STK32B: variants seen among roughly 807,000 people sequenced by gnomAD.
STK32B encodes serine/threonine-protein kinase 32B.
A neutral mutation model predicts 52.6 loss-of-function variants in STK32B; 43 were observed. That is an observed-to-expected ratio of 0.82 (90% confidence interval 0.64 to 1.05). STK32B has a LOEUF of 1.05. Among genes scored for constraint, STK32B ranks in the 50% least tolerant of loss-of-function variants. The probability of loss-of-function intolerance (pLI) is 0.00; values close to 1 mark genes in which losing one functional copy is unlikely to be tolerated. For synonymous variants in STK32B, 238 were observed against 204.3 expected (o/e 1.17, Z -1.41); for missense variants, 621 against 534.6 (o/e 1.16, Z -1.59).
intron 3 of STK32B, among the ~76,000 whole-genome samples, chr4:5,318,967 T>G (rs750435008): frequency 6.6e-6 from 1 of 151,932 alleles, no homozygotes; most frequent in African/African-American, 2.4e-5. Context: ...GCCCAGCTAA[T>G]TTTTTTGTGT....
intron 4 of STK32B, among the ~76,000 whole-genome samples, chr4:5,357,579 T>C (rs1734271090): frequency 6.6e-6 from 1 of 151,892 alleles, no homozygotes; most frequent in African/African-American, 2.4e-5. Flanking sequence ...AAAAAAAATG[T>C]TCTCTGGGCA....
chr4:5,304,306 A>G (rs911081714), intron 3 of STK32B, among the ~76,000 whole-genome samples: 4 of 152,140 alleles, frequency 2.6e-5, no homozygotes, highest in South Asian at 2.1e-4. Context: ...ATACCCATCT[A>G]TGAGCATGGG....
intron 3 of STK32B, among the ~76,000 whole-genome samples, chr4:5,185,926 G>T (rs1318300777): frequency 6.6e-6 from 1 of 152,114 alleles, no homozygotes; most frequent in East Asian, 1.9e-4. Flanking sequence ...ATACTAACTG[G>T]TTTGTGGGTG....
chr4:5,270,673 G>C (rs1727366488), intron 3 of STK32B, among the ~76,000 whole-genome samples: 1 of 152,104 alleles, frequency 6.6e-6, no homozygotes. Flanking sequence ...ACTACTTTCA[G>C]TAAACATTGT....
intron 6 of STK32B, among the ~76,000 whole-genome samples, chr4:5,444,608 G>A (rs925695342): frequency 1.3e-5 from 2 of 152,124 alleles, no homozygotes; most frequent in Admixed American, 6.5e-5. Context: ...GTTCCTATTC[G>A]GCCATCTTGG....
At chr4:5,047,180 C>T (rs540599477), upstream of STK32B, among the ~76,000 whole-genome samples, 35 of 152,276 alleles carry the variant, frequency 2.3e-4, no homozygotes, top group African/African-American at 7.9e-4. Context: ...GAGATCATGT[C>T]CTTTGCAGGG....
At chr4:5,048,340 GC>G (rs1277432367), upstream of STK32B, among the ~76,000 whole-genome samples, 3 of 122,742 alleles carry the variant, frequency 2.4e-5, no homozygotes, top group African/African-American at 9.5e-5. Context: ...CACTGTTGTT[GC>G]CCAGGCTGGA....
At chr4:5,319,879 A>C (rs372954008) in intron 3 of STK32B, among the ~76,000 whole-genome samples, 2 of 152,164 alleles carry the variant, frequency 1.3e-5, no homozygotes, top group East Asian at 3.8e-4. Context: ...GCTGCGGGTG[A>C]GAAGCTGCCT....
intron 6 of STK32B, among the ~76,000 whole-genome samples, chr4:5,425,254 G>T (rs12502972): frequency 6.6e-6 from 1 of 152,182 alleles, no homozygotes; most frequent in Non-Finnish European, 1.5e-5. Flanking sequence ...AGGTGAAGGT[G>T]CCACCAGCCA....
At chr4:5,321,828 G>T (rs910164335) in intron 3 of STK32B, among the ~76,000 whole-genome samples, 5 of 152,096 alleles carry the variant, frequency 3.3e-5, no homozygotes, top group Non-Finnish European at 5.9e-5. Context: ...TCTGCCTGGA[G>T]GTGCTGGATG....
chr4:5,321,802 C>T (rs1421629006), intron 3 of STK32B, among the ~76,000 whole-genome samples: 1 of 152,124 alleles, frequency 6.6e-6, no homozygotes, highest in African/African-American at 2.4e-5. Context: ...CGCGACTGCT[C>T]CTGCCCCCAA....
intron 3 of STK32B, among the ~76,000 whole-genome samples, chr4:5,294,718 A>G (rs547800021): frequency 6.6e-6 from 1 of 152,286 alleles, no homozygotes; most frequent in East Asian, 1.9e-4. Context: ...TCATCTGCAA[A>G]CAGAGACAAT....
intron 11 of STK32B, among the ~76,000 whole-genome samples, chr4:5,481,156 A>G (rs1217164097): frequency 3.3e-5 from 5 of 152,224 alleles, no homozygotes; most frequent in Admixed American, 3.3e-4. Flanking sequence ...AGGAATCGCG[A>G]CACTGACTTG....
chr4:5,114,432 G>A (rs1714599094), intron 1 of STK32B, among the ~76,000 whole-genome samples: 1 of 151,742 alleles, frequency 6.6e-6, no homozygotes, highest in Admixed American at 6.6e-5. Flanking sequence ...TTAGTGTCAG[G>A]CGTCCTGTTT....
At position 5,314,360 on chromosome 4, in the gene STK32B, T is replaced by G. The variant is rs557583266; in HGVS notation, c.261-16860T>G. 2.3e-4 allele frequency among the ~76,000 whole-genome samples: 35 copies of G among 152,286 alleles called. No individual in the cohort carries two copies. The South Asian group carries it at 7.0e-3, about 31-fold the overall frequency. ...CAGAAGAATGAACCATCACCAAACC[T>G]CATGCCTTACATATTTTTAAAAAAC... On this transcript the variant is annotated intron_variant, in intron 3 of 11. Coordinates refer to ENST00000282908, the MANE Select transcript of STK32B (RefSeq NM_018401.3).
chr4:5,188,305 A>G (rs985456201), intron 3 of STK32B, among the ~76,000 whole-genome samples: 2 of 152,218 alleles, frequency 1.3e-5, no homozygotes, highest in Admixed American at 1.3e-4. Flanking sequence ...TAGCATTCGC[A>G]TGTAATACAT....
chr4:5,489,972 G>A (rs554764725), intron 11 of STK32B, among the ~76,000 whole-genome samples: 1 of 152,020 alleles, frequency 6.6e-6, no homozygotes, highest in East Asian at 1.9e-4. Flanking sequence ...TGAAGATCTT[G>A]TAGTTTTTAT....
chr4:5,046,245 G>C, the STK32B span, among the ~76,000 whole-genome samples: 1 of 152,268 alleles, frequency 6.6e-6, no homozygotes, highest in Admixed American at 6.5e-5. Context: ...CGACAAACGT[G>C]ACAAAAACAA....
Position 5,399,185 on chromosome 4 carries a change from G to C in STK32B, c.472+941G>C, listed in dbSNP as rs1157168693. ...CATTGCTTCAGGGGCCCGTCTCTCA[G>C]GGCCTAACATGGGGTTGGCTGGAGG... On this transcript the variant is annotated intron_variant, in intron 5 of 11. Coordinates refer to ENST00000282908, the MANE Select transcript of STK32B (RefSeq NM_018401.3). This position sits in a 1 kb window ranked among gnomAD's most constrained non-coding sequence, Gnocchi z 5.4. Among the ~76,000 whole-genome samples the C allele has an allele frequency of 1.3e-5, 2 of 150,556 alleles. No homozygotes were observed. Among genetic ancestry groups the C allele is most frequent in the African/African-American group, 4.8e-5 (2 of 41,348 alleles).
Sources: gnomAD v4.1 joint callset for allele counts (sites outside exome capture counted in the v4.1 genomes callset) on GRCh38, gnomAD v4.1.1 for gene constraint, Gnocchi (gnomAD v3.1) non-coding constraint, MANE v1.5 for transcripts, NCBI Gene and HGNC (gene_info 2026-07-23, HGNC 2026-07-21) for gene names.